ADGRL3: variants seen among roughly 807,000 people sequenced by gnomAD.
The protein encoded by ADGRL3 is calcium-independent alpha-latrotoxin receptor 3.
ADGRL3 carries 62 observed loss-of-function variants against 153.5 expected under a neutral mutation model. The observed-to-expected ratio is 0.40, with a 90% confidence interval of 0.33 to 0.50. The LOEUF (loss-of-function observed/expected upper bound fraction) is 0.50. Ranked by LOEUF, ADGRL3 falls within the 20% of genes least tolerant of loss-of-function variation. The pLI is 0.47. For missense variants in ADGRL3, 1,641 were observed against 1,859.4 expected (o/e 0.88, Z 2.16); for synonymous variants, 710 against 672.5 (o/e 1.06, Z -0.86).
chr4:61,485,880 A>G (rs1579122901), intron 2 of ADGRL3, among the ~76,000 whole-genome samples: 1 of 151,726 alleles, frequency 6.6e-6, no homozygotes, highest in African/African-American at 2.4e-5. Context: ...ATTTAAGAAG[A>G]TATTTAAAGC....
At chr4:61,232,383 A>C (rs773131345) in intron 1 of ADGRL3, among the ~76,000 whole-genome samples, 85 of 147,548 alleles carry the variant, frequency 5.8e-4, no homozygotes, top group Non-Finnish European at 1.1e-3. Context: ...ATCTCGGCTC[A>C]CTGCAACCTC....
intron 4 of ADGRL3, among the ~76,000 whole-genome samples, chr4:61,546,762 G>T (rs1170417822): frequency 1.3e-5 from 2 of 152,140 alleles, no homozygotes; most frequent in African/African-American, 4.8e-5. Flanking sequence ...TTAAAAGGGT[G>T]TGTCTGTAGC....
intron 4 of ADGRL3, among the ~76,000 whole-genome samples, chr4:61,529,664 G>T (rs904256267): frequency 6.6e-6 from 1 of 151,870 alleles, no homozygotes; most frequent in African/African-American, 2.4e-5. Flanking sequence ...GATATATAAA[G>T]CTTTTTACTT....
chr4:61,377,683 T>C (rs774402799), intron 1 of ADGRL3, among the ~76,000 whole-genome samples: 1 of 152,030 alleles, frequency 6.6e-6, no homozygotes, highest in Non-Finnish European at 1.5e-5. Context: ...GTTTACACCT[T>C]CTTTCCTTTA....
intron 13 of ADGRL3, among the ~76,000 whole-genome samples, chr4:61,914,623 A>G (rs1025966116): frequency 6.6e-6 from 1 of 151,894 alleles, no homozygotes; most frequent in African/African-American, 2.4e-5. Context: ...GTATAGGGAG[A>G]TGTGAGTTAG....
chr4:61,504,156 C>A (rs1331351422), intron 3 of ADGRL3, among the ~76,000 whole-genome samples: 2 of 152,160 alleles, frequency 1.3e-5, no homozygotes, highest in East Asian at 3.9e-4. Context: ...CCACACCTGG[C>A]TAATTTTTAA....
At chr4:61,562,643 C>A (rs1183665520) in intron 4 of ADGRL3, among the ~76,000 whole-genome samples, 4 of 152,116 alleles carry the variant, frequency 2.6e-5, no homozygotes, top group Non-Finnish European at 5.9e-5. Flanking sequence ...CATGAGATTG[C>A]AGCAGCTCAG....
chr4:61,749,748 T>C (rs993122427), intron 8 of ADGRL3, among the ~76,000 whole-genome samples: 3 of 152,162 alleles, frequency 2.0e-5, no homozygotes. Context: ...TTAGGAGATA[T>C]ACCTAATGCT....
Position 61,359,249 on chromosome 4 carries a change from G to C in ADGRL3, c.-239-23875G>C, listed in dbSNP as rs933352464. Among the ~76,000 whole-genome samples, 6 of 152,142 alleles carry C rather than the reference G, an allele frequency of 3.9e-5. No individual in the cohort carries two copies. The East Asian group carries it at 7.7e-4, about 20-fold the overall frequency. ...ATCTTTGCAACTAGTTGGACTGGCT[G>C]CCTATAATCTATTCTCAACACAGAA... On this transcript the variant is annotated intron_variant, in intron 1 of 26. Transcript: ENST00000683033.
chr4:61,503,636 GT>G (rs1328443738), intron 3 of ADGRL3, among the ~76,000 whole-genome samples: 1 of 151,698 alleles, frequency 6.6e-6, no homozygotes, highest in African/African-American at 2.4e-5. Flanking sequence ...AAGACATTTA[GT>G]TTTAAGAGAT....
At chr4:61,453,319 C>A (rs1468074855) in intron 2 of ADGRL3, among the ~76,000 whole-genome samples, 3 of 152,066 alleles carry the variant, frequency 2.0e-5, no homozygotes, top group African/African-American at 7.2e-5. Context: ...CATTAAGAAG[C>A]AATCTTAATA....
intron 17 of ADGRL3, among the ~76,000 whole-genome samples, chr4:61,954,487 C>A (rs2098958774): frequency 6.6e-6 from 1 of 151,922 alleles, no homozygotes; most frequent in Admixed American, 6.6e-5. Context: ...AAATTTATTC[C>A]CAAAACCCTT....
In ADGRL3 at chr4:61,488,736, AAAT is replaced by A. The variant is rs754190442; in HGVS notation, c.-173-8381_-173-8379del. On this transcript the variant is annotated intron_variant, in intron 2 of 26. Coordinates refer to ENST00000683033, the MANE Select transcript of ADGRL3 (RefSeq NM_001387552.1). ...AAAAATTGTTGACTTAACGTTCTTC[AAAT>A]AATCTATTAATTTAAATCACATGCT... 2.6e-5 allele frequency among the ~76,000 whole-genome samples: 4 copies of A among 152,138 alleles called. No homozygotes were observed. In the East Asian group the frequency reaches 7.7e-4, roughly 29 times the overall value.
chr4:61,223,177 GA>G (rs1411796646), intron 1 of ADGRL3, among the ~76,000 whole-genome samples: 7 of 152,094 alleles, frequency 4.6e-5, no homozygotes, highest in African/African-American at 1.7e-4. Flanking sequence ...AGCAAGTTTT[GA>G]AGGGTTCTTC....
At chr4:61,616,889 G>A (rs187605110) in intron 5 of ADGRL3, among the ~76,000 whole-genome samples, 4 of 151,712 alleles carry the variant, frequency 2.6e-5, no homozygotes, top group Non-Finnish European at 4.4e-5. Context: ...TCCTGGCCTC[G>A]AGCAATACTT....
chr4:61,889,086 CCTGATGTTCACCTACCTTTA>C (rs1273790028), intron 9 of ADGRL3, among the ~76,000 whole-genome samples: 2 of 152,132 alleles, frequency 1.3e-5, no homozygotes, highest in African/African-American at 4.8e-5. Context: ...TTGACCTAGT[CCTGATGTTCACCTACCTTTA>C]CTGAGAGCTC....
chr4:61,981,750 G>A (rs2099069160), intron 18 of ADGRL3, among the ~76,000 whole-genome samples: 1 of 152,090 alleles, frequency 6.6e-6, no homozygotes, highest in Non-Finnish European at 1.5e-5. Flanking sequence ...TTTGTAGAAG[G>A]CTTTTGAGCA....
At chr4:61,966,574 G>A (rs556663649) in intron 17 of ADGRL3, among the ~76,000 whole-genome samples, 1 of 58,438 alleles carries the variant, frequency 1.7e-5, no homozygotes, top group African/African-American at 9.4e-5. Flanking sequence ...TTCAAAAGGG[G>A]TGTGTGTGTG....
chr4:61,783,934 A>G (rs948110900), intron 8 of ADGRL3, among the ~76,000 whole-genome samples: 1 of 152,144 alleles, frequency 6.6e-6, no homozygotes, highest in Admixed American at 6.5e-5. Flanking sequence ...TGAAATTGCC[A>G]ATATCTGACA....
Sources: gnomAD v4.1 joint callset for allele counts (sites outside exome capture counted in the v4.1 genomes callset) on GRCh38, gnomAD v4.1.1 for gene constraint, MANE v1.5 for transcripts, NCBI Gene and HGNC (gene_info 2026-07-23, HGNC 2026-07-21) for gene names.